The following ADGRL3 variants were observed in gnomAD, a reference collection of about 807,000 sequenced individuals.
The protein encoded by ADGRL3 is calcium-independent alpha-latrotoxin receptor 3.
In ADGRL3, 62 loss-of-function variants were observed where a neutral mutation model predicts 153.5. The ratio of observed to expected loss-of-function variants is 0.40; its 90% CI spans 0.33 to 0.50. The LOEUF (loss-of-function observed/expected upper bound fraction) is 0.50, where lower values mean the gene tolerates loss of function less well. ADGRL3 is among the 20% of genes least tolerant of loss of function. The pLI is 0.47. For synonymous variants in ADGRL3, 710 were observed against 672.5 expected, an observed-to-expected ratio of 1.06 and a Z score of -0.86; for missense variants, 1,641 against 1,859.4, an observed-to-expected ratio of 0.88 and a Z score of 2.16.
intron 9 of ADGRL3, among the ~76,000 whole-genome samples, chr4:61,855,492 G>A (rs976973588): frequency 3.3e-5 from 5 of 152,144 alleles, no homozygotes; most frequent in African/African-American, 9.7e-5. Flanking sequence ...TGTTTAGTGA[G>A]TGGATTAACT....
At chr4:61,238,598 A>G (rs1302715794) in intron 1 of ADGRL3, among the ~76,000 whole-genome samples, 2 of 151,980 alleles carry the variant, frequency 1.3e-5, no homozygotes, top group African/African-American at 4.8e-5. Context: ...GATGAGCCCC[A>G]ATTACAGACA....
At chr4:61,238,800 G>A (rs1460030547) in intron 1 of ADGRL3, among the ~76,000 whole-genome samples, 1 of 151,982 alleles carries the variant, frequency 6.6e-6, no homozygotes, top group Non-Finnish European at 1.5e-5. Flanking sequence ...ATTAAATAAT[G>A]AGGGATTATT....
chr4:61,281,998 G>A (rs2093741314), intron 1 of ADGRL3, among the ~76,000 whole-genome samples: 2 of 151,924 alleles, frequency 1.3e-5, no homozygotes, highest in South Asian at 4.2e-4. Context: ...CTAGCTGTGG[G>A]AACTATATCT....
intron 9 of ADGRL3, among the ~76,000 whole-genome samples, chr4:61,874,789 CTTTTTTTTTTTTTTTT>C (rs11432355): frequency 6.5e-5 from 4 of 61,554 alleles, no homozygotes; most frequent in East Asian, 6.3e-4. Flanking sequence ...TCAAAATGCT[CTTTTTTTTTTTTTTTT>C]TTTTTTTTTT....
At chr4:62,003,210 C>T (rs1356787653) in intron 21 of ADGRL3, among the ~76,000 whole-genome samples, 1 of 152,116 alleles carries the variant, frequency 6.6e-6, no homozygotes, top group African/African-American at 2.4e-5. Flanking sequence ...CAAAGGACTT[C>T]TGCATAAAGA....
intron 11 of ADGRL3, among the ~76,000 whole-genome samples, chr4:61,899,542 A>AT (rs1461125070): frequency 6.6e-6 from 1 of 152,168 alleles, no homozygotes; most frequent in Non-Finnish European, 1.5e-5. Flanking sequence ...GCAAAAAAAA[A>AT]GTATATATTT....
intron 2 of ADGRL3, among the ~76,000 whole-genome samples, chr4:61,479,013 G>T (rs2098100975): frequency 6.6e-6 from 1 of 152,108 alleles, no homozygotes; most frequent in African/African-American, 2.4e-5. Context: ...AGGCATTAAA[G>T]CTATACTTCA....
intron 6 of ADGRL3, among the ~76,000 whole-genome samples, chr4:61,724,226 G>T (rs1431374171): frequency 6.6e-6 from 1 of 152,134 alleles, no homozygotes; most frequent in African/African-American, 2.4e-5. Flanking sequence ...AGCAAATGTT[G>T]TATCAACTTT....
intron 4 of ADGRL3, among the ~76,000 whole-genome samples, chr4:61,550,702 A>T (rs988807459): frequency 1.3e-5 from 2 of 152,016 alleles, no homozygotes; most frequent in Non-Finnish European, 2.9e-5. Context: ...TGGCAGATCA[A>T]TGATACTGGT....
At chr4:61,995,792 T>A (rs182348478) in intron 19 of ADGRL3, among the ~76,000 whole-genome samples, 1 of 152,200 alleles carries the variant, frequency 6.6e-6, no homozygotes, top group African/African-American at 2.4e-5. Context: ...ACTCCAGAAA[T>A]CTCAAAGGTT....
At chr4:62,015,770 T>C (rs2099208406) in intron 21 of ADGRL3, among the ~76,000 whole-genome samples, 1 of 152,140 alleles carries the variant, frequency 6.6e-6, no homozygotes, top group African/African-American at 2.4e-5. Flanking sequence ...TTTCCACTTT[T>C]TTCTGTTAGC....
intron 2 of ADGRL3, among the ~76,000 whole-genome samples, chr4:61,414,850 G>T (rs182697349): frequency 1.1e-3 from 163 of 151,964 alleles, no homozygotes; most frequent in Non-Finnish European, 2.1e-3. Context: ...CATAGTCATA[G>T]AAATAATGAT....
At chr4:61,666,699 G>A (rs560170482) in intron 5 of ADGRL3, among the ~76,000 whole-genome samples, 16 of 152,144 alleles carry the variant, frequency 1.1e-4, no homozygotes, top group South Asian at 2.1e-4. Flanking sequence ...TATAAGGTGC[G>A]TATAACATAT....
intron 10 of ADGRL3, 103 bp downstream of exon 10, chr4:61,893,061 TC>T (rs1413973332): frequency 1.9e-6 from 1 of 528,876 alleles, no homozygotes; most frequent in Non-Finnish European, 3.0e-6. Flanking sequence ...CTCCCTCCCT[TC>T]CTCCCTCCCT....
chr4:61,895,418 A>T (rs898533522), intron 10 of ADGRL3, among the ~76,000 whole-genome samples: 26 of 151,964 alleles, frequency 1.7e-4, no homozygotes, highest in Non-Finnish European at 3.4e-4. Context: ...GTGAGCCGAG[A>T]TCTTGCCACT....
intron 4 of ADGRL3, among the ~76,000 whole-genome samples, chr4:61,559,808 C>T (rs2148951165): frequency 6.7e-6 from 1 of 149,096 alleles, no homozygotes; most frequent in South Asian, 2.2e-4. Context: ...TTAGGCAAAA[C>T]CATAATCATT....
At chr4:62,039,311 G>T (rs1474889231) in intron 24 of ADGRL3, among the ~76,000 whole-genome samples, 3 of 152,122 alleles carry the variant, frequency 2.0e-5, no homozygotes, top group Non-Finnish European at 2.9e-5. Context: ...CTTGAACACA[G>T]TTATAAATTA....
intron 4 of ADGRL3, among the ~76,000 whole-genome samples, chr4:61,565,683 T>TCCTGCCACCACACCCAGC (rs2149046941): frequency 6.6e-6 from 1 of 151,982 alleles, no homozygotes; most frequent in South Asian, 2.1e-4. Flanking sequence ...GATTACAGGC[T>TCCTGCCACCACACCCAGC]CCTGCCACCA....
chr4:61,613,133 G>A lies in ADGRL3; in HGVS notation c.473+25693G>A, dbSNP rs923112652. On this transcript the variant is annotated intron_variant, in intron 5 of 26. Transcript: ENST00000683033. ...CATGGCCTTCAATGCTAAACATGAC[G>A]TGAACCTCTAAATCCTATCATCTCC... Among the ~76,000 whole-genome samples the A allele has an allele frequency of 9.2e-5, 14 of 152,166 alleles. No individual in the cohort carries two copies. The South Asian group carries it at 1.0e-3, about 11-fold the overall frequency.
Sources: gnomAD v4.1 joint callset for allele counts (sites outside exome capture counted in the v4.1 genomes callset) on GRCh38, gnomAD v4.1.1 for gene constraint, MANE v1.5 for transcripts, NCBI Gene and HGNC (gene_info 2026-07-23, HGNC 2026-07-21) for gene names.